TBC1D13: variants seen among roughly 807,000 people sequenced by gnomAD.
The protein encoded by TBC1D13 is epididymis secretory sperm binding protein.
In TBC1D13, 40 loss-of-function variants were observed where a neutral mutation model predicts 53.6. That is an observed-to-expected ratio of 0.75 (90% CI 0.58 to 0.97). The LOEUF (loss-of-function observed/expected upper bound fraction) is 0.97, where lower values mean the gene tolerates loss of function less well. Among genes scored for constraint, TBC1D13 ranks in the 50% least tolerant of loss-of-function variants. The pLI is 0.00. For synonymous variants in TBC1D13, 182 were observed against 197.7 expected (o/e 0.92, Z 0.67); for missense variants, 377 against 499.4 (o/e 0.75, Z 2.34).
intron 6 of TBC1D13, among the ~76,000 whole-genome samples, chr9:128,794,849 T>C (rs998963851): frequency 6.6e-6 from 1 of 151,596 alleles, no homozygotes; most frequent in Non-Finnish European, 1.5e-5. Context: ...GTATAAGAAG[T>C]CTGAAAAATG....
intron 10 of TBC1D13, 97 bp downstream of exon 10, chr9:128,806,116 C>T (rs985420835): frequency 1.9e-6 from 3 of 1,584,268 alleles, no homozygotes; most frequent in African/African-American, 2.7e-5. Flanking sequence ...CAGGGCTGCT[C>T]TTTCATGGCT....
intron 8 of TBC1D13, 54 bp downstream of exon 8, chr9:128,803,514 G>C (rs1829774814): frequency 1.9e-6 from 3 of 1,559,636 alleles, no homozygotes; most frequent in Non-Finnish European, 2.6e-6. Context: ...GTCAGGCTGT[G>C]CACCTCACTT....
Position 128,790,771 on chromosome 9 carries a change from G to A in TBC1D13, c.134G>A (p.Trp45Ter). 6.4e-7 allele frequency: 1 copy of A among 1,557,538 alleles called. No homozygotes were observed. Among genetic ancestry groups the A allele is most frequent in the Non-Finnish European group, 8.6e-7 (1 of 1,161,068 alleles). ...PCEGGLRCLC[W>*]KILLNYLPLE... ...GAGGGCGGACTGCGGTGCCTCTGCT[G>A]GAAGGTGGGTGTGCCTGGGGTGGGG... Residue 45 changes from tryptophan (W) to a stop codon, truncating the protein, a stop_gained, in exon 3 of 12, where the codon TGG (tryptophan) becomes TAG (stop). Coordinates refer to ENST00000372648, the MANE Select transcript of TBC1D13 (RefSeq NM_018201.5). LOFTEE classifies it high-confidence loss of function.
At chr9:128,793,115 A>G (rs1338105214) in intron 6 of TBC1D13, among the ~76,000 whole-genome samples, 1 of 152,208 alleles carries the variant, frequency 6.6e-6, no homozygotes, top group Non-Finnish European at 1.5e-5. Context: ...AGCAAAGGCC[A>G]TGTTGGGCAG....
At chr9:128,788,146 G>A (rs1439160632) in intron 1 of TBC1D13, among the ~76,000 whole-genome samples, 188 bp from the exon 2 acceptor site, 1 of 152,242 alleles carries the variant, frequency 6.6e-6, no homozygotes, top group Non-Finnish European at 1.5e-5. Context: ...AGAGGAAGAA[G>A]TGAAATATAG....
At chr9:128,804,141 G>A (rs763238805) in intron 9 of TBC1D13, 22 bp downstream of exon 9, 12 of 1,611,264 alleles carry the variant, frequency 7.4e-6, no homozygotes, top group African/African-American at 4.0e-5. Flanking sequence ...AGGAACAGAC[G>A]GGTGGAAAGG....
chr9:128,800,727 T>C (rs1290706070), intron 7 of TBC1D13, among the ~76,000 whole-genome samples: 1 of 152,190 alleles, frequency 6.6e-6, no homozygotes, highest in African/African-American at 2.4e-5. Flanking sequence ...TGGATAACTA[T>C]CTGTATACTT....
intron 6 of TBC1D13, among the ~76,000 whole-genome samples, chr9:128,794,471 T>G (rs1316432968): frequency 2.6e-5 from 4 of 151,946 alleles, no homozygotes; most frequent in Non-Finnish European, 4.4e-5. Flanking sequence ...GTTTTTTTTT[T>G]GTTTTTGTTT....
At chr9:128,790,518 G>T (rs1363593175) in intron 2 of TBC1D13, among the ~76,000 whole-genome samples, 1 of 152,236 alleles carries the variant, frequency 6.6e-6, no homozygotes, top group East Asian at 1.9e-4. Context: ...AGGCTGCAGT[G>T]AGCCGAGATT....
chr9:128,790,822 G>A (rs779730238), intron 3 of TBC1D13, 47 bp downstream of exon 3: 1 of 1,548,204 alleles, frequency 6.5e-7, no homozygotes, highest in Non-Finnish European at 8.7e-7. Context: ...GAGTCCCTGG[G>A]TTTTCCTGCA....
At chr9:128,792,425 C>T in intron 5 of TBC1D13, 67 bp from the exon 6 acceptor site, 12 of 1,457,414 alleles carry the variant, frequency 8.2e-6, no homozygotes, top group Non-Finnish European at 1.1e-5. Context: ...GCTCAGGTTT[C>T]CGGGATAGAA....
chr9:128,808,457 T>TGTGTGTGTGTGTGTGTGTGTGTGTG lies in TBC1D13; in HGVS notation c.*578_*579insGTGTGTGTGTGTGTGTGTGTGTGTG, dbSNP rs1554796455. On this transcript the variant is annotated 3_prime_UTR_variant, in exon 12 of 12. Coordinates refer to ENST00000372648, the MANE Select transcript of TBC1D13 (RefSeq NM_018201.5). The stretch of plus-strand genomic sequence containing the variant: ...TGTGTGTGTGTGTGTGTGTGTGTGT[T>TGTGTGTGTGTGTGTGTGTGTGTGTG]AGGGAGTGAGGGTCTCTCAGGCCTC... The TGTGTGTGTGTGTGTGTGTGTGTGTG allele has an allele frequency of 1.4e-4, 7 of 51,128 alleles. No individual in the cohort carries two copies. Among genetic ancestry groups the TGTGTGTGTGTGTGTGTGTGTGTGTG allele is most frequent in the African/African-American group, 2.8e-4 (3 of 10,822 alleles). 3.2% of individuals were successfully genotyped at this position (51,128 alleles called of 1,614,324 possible).
In TBC1D13 at chr9:128,798,522, G is replaced by T. The variant is rs190679247; in HGVS notation, c.543+1308G>T. On this transcript the variant is annotated intron_variant, in intron 7 of 11. Transcript: ENST00000372648. ...CTTTAGGCACTGTGGAGATACAGGA[G>T]TGGCGGTAGAGAGGCTACCTGGAAG... 2.6e-3 allele frequency among the ~76,000 whole-genome samples: 398 copies of T among 152,310 alleles called. 10 individuals carry two copies. The East Asian group carries it at 0.037, about 14-fold the overall frequency.
intron 6 of TBC1D13, among the ~76,000 whole-genome samples, chr9:128,794,999 T>C (rs1045012496): frequency 2.0e-5 from 3 of 151,626 alleles, no homozygotes; most frequent in Non-Finnish European, 2.9e-5. Flanking sequence ...GTGAAACTTA[T>C]GGAACCAAAT....
At chr9:128,790,655 C>T (rs1406391146) in intron 2 of TBC1D13, 80 bp from the exon 3 acceptor site, 13 of 1,372,592 alleles carry the variant, frequency 9.5e-6, no homozygotes, top group African/African-American at 4.6e-5. Flanking sequence ...CTCTACTCCC[C>T]GCCAGTTGGC....
rs538860098 is a variant in TBC1D13, at chr9:128,792,741, G to A, written c.383+167G>A. 2.6e-5 allele frequency among the ~76,000 whole-genome samples: 4 copies of A among 152,300 alleles called. No homozygotes were observed. In the East Asian group the frequency reaches 5.8e-4, roughly 22 times the overall value. On this transcript the variant is annotated intron_variant, in intron 6 of 11. Coordinates refer to ENST00000372648, the MANE Select transcript of TBC1D13 (RefSeq NM_018201.5). ...GCACTATTGATGATAGGCTGAGAACGAGGCTAGCGAGGGAGATTCTGTGCT... is the reference window on the plus strand; with the variant it reads ...GCACTATTGATGATAGGCTGAGAACAAGGCTAGCGAGGGAGATTCTGTGCT...
chr9:128,793,724 G>T (rs918456246), intron 6 of TBC1D13, among the ~76,000 whole-genome samples: 1 of 152,134 alleles, frequency 6.6e-6, no homozygotes, highest in African/African-American at 2.4e-5. Flanking sequence ...GCCTGCCTGG[G>T]ACCCCCGGCA....
intron 6 of TBC1D13, among the ~76,000 whole-genome samples, chr9:128,794,081 A>C (rs1829582586): frequency 6.6e-6 from 1 of 152,194 alleles, no homozygotes; most frequent in African/African-American, 2.4e-5. Context: ...GATCGAGGAA[A>C]GCCTTTCCAG....
At chr9:128,789,372 A>G (rs1829488405) in intron 2 of TBC1D13, among the ~76,000 whole-genome samples, 1 of 150,710 alleles carries the variant, frequency 6.6e-6, no homozygotes, top group South Asian at 2.1e-4. Flanking sequence ...CCTCATATAG[A>G]TTCTGAAGTG....
Sources: allele counts gnomAD v4.1 joint callset (sites outside exome capture counted in the v4.1 genomes callset), GRCh38; gene constraint gnomAD v4.1.1; transcripts MANE v1.5; gene names NCBI Gene and HGNC (gene_info 2026-07-23, HGNC 2026-07-21).